CSMD1: variants seen among roughly 807,000 people sequenced by gnomAD.
CSMD1 encodes the protein CUB and Sushi multiple domains 1.
A neutral mutation model predicts 417.5 loss-of-function variants in CSMD1; 213 were observed. The ratio of observed to expected loss-of-function variants is 0.51; its 90% CI spans 0.46 to 0.57. CSMD1 has a LOEUF of 0.57. CSMD1 is among the 20% of genes least tolerant of loss of function. The pLI is 0.00. For missense variants in CSMD1, 6,923 were observed against 4,529.7 expected (o/e 1.53, Z -15.17); for synonymous variants, 2,862 against 1,736.8 (o/e 1.65, Z -16.11).
At chr8:4,928,082 G>A (rs758496219) in intron 1 of CSMD1, among the ~76,000 whole-genome samples, 3 of 152,118 alleles carry the variant, frequency 2.0e-5, no homozygotes, top group Non-Finnish European at 4.4e-5. Context: ...GCCTCTCTGA[G>A]CTCCATTCTT....
At chr8:4,526,243 G>C (rs183879839) in intron 2 of CSMD1, among the ~76,000 whole-genome samples, 18 of 152,186 alleles carry the variant, frequency 1.2e-4, no homozygotes, top group Admixed American at 1.2e-3. Context: ...TACTAGACAA[G>C]AGATTCCCAT....
At chr8:3,770,678 C>A (rs1798518003) in intron 5 of CSMD1, among the ~76,000 whole-genome samples, 1 of 152,082 alleles carries the variant, frequency 6.6e-6, no homozygotes, top group African/African-American at 2.4e-5. Flanking sequence ...GACTGTCGCC[C>A]CAACACCTTG....
intron 5 of CSMD1, among the ~76,000 whole-genome samples, chr8:3,962,115 C>T (rs181149905): frequency 1.6e-4 from 24 of 152,264 alleles, no homozygotes; most frequent in African/African-American, 5.3e-4. Context: ...CCAGGACCTT[C>T]CTCCTCTTTC....
rs1459430879 is a variant in CSMD1, at chr8:4,781,995, C to T, written c.86-144437G>A. 2.6e-5 allele frequency among the ~76,000 whole-genome samples: 4 copies of T among 152,142 alleles called. No homozygotes were observed. The East Asian group carries it at 5.8e-4, about 22-fold the overall frequency. On this transcript the variant is annotated intron_variant, in intron 1 of 69. Coordinates refer to ENST00000635120, the MANE Select transcript of CSMD1 (RefSeq NM_033225.6). ...CTCTGACTTCATTTCTCCAGAGTTTCCACTCTTGCCTCTATTTATGCACCT... is the reference window on the plus strand; with the variant it reads ...CTCTGACTTCATTTCTCCAGAGTTTTCACTCTTGCCTCTATTTATGCACCT...
chr8:3,571,910 A>T (rs1165280554), intron 10 of CSMD1, among the ~76,000 whole-genome samples: 2 of 152,118 alleles, frequency 1.3e-5, no homozygotes, highest in African/African-American at 2.4e-5. Flanking sequence ...CTCCACCGAA[A>T]GGGCTACAGG....
intron 2 of CSMD1, among the ~76,000 whole-genome samples, chr8:4,424,813 G>T (rs1301736458): frequency 1.3e-5 from 2 of 151,908 alleles, no homozygotes; most frequent in Non-Finnish European, 2.9e-5. Flanking sequence ...CCATAGTTTT[G>T]CCGGTGGTTT....
intron 11 of CSMD1, 92 bp downstream of exon 11, chr8:3,493,531 C>G: frequency 1.9e-6 from 2 of 1,077,710 alleles, no homozygotes; most frequent in Non-Finnish European, 2.7e-6. Flanking sequence ...ACACCTGAGG[C>G]CGAATTACAA....
At chr8:3,184,078 A>G (rs576324136) in intron 36 of CSMD1, among the ~76,000 whole-genome samples, 3 of 152,132 alleles carry the variant, frequency 2.0e-5, no homozygotes, top group Non-Finnish European at 4.4e-5. Context: ...TGGCCCAAAG[A>G]CCCTGCATGA....
chr8:3,709,615 G>A (rs765999760), intron 6 of CSMD1, among the ~76,000 whole-genome samples: 1 of 148,390 alleles, frequency 6.7e-6, no homozygotes, highest in African/African-American at 2.5e-5. Flanking sequence ...TAGAACAAAA[G>A]GCTGATCTGC....
At position 3,499,402 on chromosome 8, in the gene CSMD1, C is replaced by G. The variant is rs150546766; in HGVS notation, c.1345-5676G>C. 7.9e-5 allele frequency among the ~76,000 whole-genome samples: 12 copies of G among 152,166 alleles called. No homozygotes were observed. In the South Asian group the frequency reaches 2.3e-3, roughly 29 times the overall value. On this transcript the variant is annotated intron_variant, in intron 10 of 69. Transcript: ENST00000635120. ...GGTCACATGAGCCATCTCTGCTTCT[C>G]AGTGGAATGAGTTTTCTGGCAGTGG...
intron 3 of CSMD1, among the ~76,000 whole-genome samples, chr8:4,310,150 C>G (rs998536073): frequency 6.6e-6 from 1 of 152,164 alleles, no homozygotes; most frequent in Non-Finnish European, 1.5e-5. Flanking sequence ...CTTCACGTTT[C>G]TAACACCCAG....
chr8:3,644,642 C>A (rs1436932782), intron 7 of CSMD1, among the ~76,000 whole-genome samples: 4 of 152,098 alleles, frequency 2.6e-5, no homozygotes, highest in African/African-American at 9.7e-5. Context: ...CTATTACCTT[C>A]AGTAAAGAGG....
chr8:4,909,945 T>G (rs1009757040), intron 1 of CSMD1, among the ~76,000 whole-genome samples: 1 of 152,222 alleles, frequency 6.6e-6, no homozygotes, highest in African/African-American at 2.4e-5. Context: ...TAGCTGAAAC[T>G]GAAGTCTTGT....
chr8:3,895,810 G>A (rs1160889859), intron 5 of CSMD1, among the ~76,000 whole-genome samples: 2 of 152,120 alleles, frequency 1.3e-5, no homozygotes, highest in African/African-American at 4.8e-5. Flanking sequence ...AGTTGTACCT[G>A]CAGTGTGAGC....
At chr8:4,748,008 G>C (rs761947191) in intron 1 of CSMD1, among the ~76,000 whole-genome samples, 2 of 152,158 alleles carry the variant, frequency 1.3e-5, no homozygotes, top group Admixed American at 6.5e-5. Flanking sequence ...GTTTCACTAA[G>C]TTATCCATCT....
chr8:4,363,103 G>C (rs749870317), intron 3 of CSMD1, among the ~76,000 whole-genome samples: 1 of 152,078 alleles, frequency 6.6e-6, no homozygotes, highest in Non-Finnish European at 1.5e-5. Flanking sequence ...CATAATATCA[G>C]AGACTTCATC....
chr8:4,866,473 A>C (rs1206661811), intron 1 of CSMD1, among the ~76,000 whole-genome samples: 1 of 151,990 alleles, frequency 6.6e-6, no homozygotes, highest in Non-Finnish European at 1.5e-5. Context: ...TTCTTTAAAA[A>C]GTGCATTTTA....
intron 49 of CSMD1, among the ~76,000 whole-genome samples, chr8:3,084,648 T>G (rs2129005021): frequency 6.6e-6 from 1 of 152,208 alleles, no homozygotes; most frequent in South Asian, 2.1e-4. Flanking sequence ...ATTTTATATT[T>G]AATATAGCTA....
In CSMD1 at chr8:4,463,413, A is replaced by G. The variant is rs994659064; in HGVS notation, c.303-43348T>C. Among the ~76,000 whole-genome samples, 4 of 152,190 alleles carry G rather than the reference A, an allele frequency of 2.6e-5. No individual in the cohort carries two copies. The South Asian group carries it at 6.2e-4, about 24-fold the overall frequency. ...CATTGCCATATGAACCAGCAAATCC[A>G]CAGCTAGTTCTATACTTAAAATGTG... On this transcript the variant is annotated intron_variant, in intron 2 of 69. Transcript: ENST00000635120.
Sources: allele counts gnomAD v4.1 joint callset (sites outside exome capture counted in the v4.1 genomes callset), GRCh38; gene constraint gnomAD v4.1.1; transcripts MANE v1.5; gene names NCBI Gene and HGNC (gene_info 2026-07-23, HGNC 2026-07-21).